Variants in STAU1 observed in about 807,000 individuals in gnomAD.
STAU1 encodes staufen double-stranded RNA binding protein 1.
A neutral mutation model predicts 62.9 loss-of-function variants in STAU1; 13 were observed. That is an observed-to-expected ratio of 0.21 (90% confidence interval 0.13 to 0.33). The LOEUF (loss-of-function observed/expected upper bound fraction) is 0.33, where lower values mean the gene tolerates loss of function less well. Among genes scored for constraint, STAU1 ranks in the 10% least tolerant of loss-of-function variants. The pLI is 1.00. For missense variants in STAU1, 571 were observed against 712.1 expected (o/e 0.80, Z 2.25); for synonymous variants, 269 against 265.1 (o/e 1.01, Z -0.14).
chr20:49,183,793 C>T (rs1007223576), intron 1 of STAU1, among the ~76,000 whole-genome samples: 3 of 152,112 alleles, frequency 2.0e-5, no homozygotes, highest in Non-Finnish European at 2.9e-5. Flanking sequence ...CTGAGACTTC[C>T]GACTAACACA....
intron 2 of STAU1, among the ~76,000 whole-genome samples, chr20:49,167,410 A>G (rs1382515110): frequency 2.6e-5 from 4 of 152,210 alleles, no homozygotes; most frequent in African/African-American, 9.6e-5. Context: ...AGAGCAATTA[A>G]GCTACTTGAG....
chr20:49,114,694 A>G lies in STAU1; in HGVS notation c.*184T>C. On this transcript the variant is annotated 3_prime_UTR_variant, in exon 14 of 14. Coordinates refer to ENST00000371856, the MANE Select transcript of STAU1 (RefSeq NM_017453.4). ...AGTGGCCATCACAACAAACCCCAGC[A>G]CAGTCCAGCCCGGCCACAGCCGCCT... 1 of 645,454 alleles carries G rather than the reference A, an allele frequency of 1.5e-6. No individual in the cohort carries two copies. Among genetic ancestry groups the G allele is most frequent in the Non-Finnish European group, 2.8e-6 (1 of 360,928 alleles). 40.0% of individuals were successfully genotyped at this position (645,454 alleles called of 1,614,324 possible).
In STAU1 at chr20:49,114,110, G is replaced by A. The variant is rs2092250898; in HGVS notation, c.*768C>T. The A allele has an allele frequency of 1.3e-5, 2 of 152,508 alleles. No homozygotes were observed. Among genetic ancestry groups the A allele is most frequent in the Non-Finnish European group, 2.9e-5 (2 of 68,032 alleles). The allele number at this position is 152,508 out of a possible 1,614,324, so 9.4% of individuals were successfully genotyped here. A position where few individuals can be genotyped will look rare whatever the true frequency, so the allele number is the denominator to read the frequency against. On this transcript the variant is annotated 3_prime_UTR_variant, in exon 14 of 14. Transcript: ENST00000371856. Reference sequence around the variant, plus strand: ...AATTTGCATCACTGAAACTGTCCTGGGTTAGTCAATGAAATAAAAATGTCT... The same window carrying A: ...AATTTGCATCACTGAAACTGTCCTGAGTTAGTCAATGAAATAAAAATGTCT...
At position 49,154,004 on chromosome 20, in the gene STAU1, C is replaced by T. The variant is rs2093313888; in HGVS notation, c.273G>A (p.Lys91=). Residue 91 remains lysine (K), a synonymous_variant, in exon 4 of 14, where the codon AAG becomes AAA. Coordinates refer to ENST00000371856, the MANE Select transcript of STAU1 (RefSeq NM_017453.4). The stretch of plus-strand genomic sequence containing the variant: ...GCATCCGAGAGTAAGGGTCAACAGG[C>T]TTATACATTGGTTTTTTTCCAAGTT... ...CMKLGKKPMY[K]PVDPYSRMQS... The T allele has an allele frequency of 1.2e-6, 2 of 1,613,274 alleles. No homozygotes were observed. The highest frequency in any genetic ancestry group is 1.7e-6 in the Non-Finnish European group (2 of 1,179,898).
At chr20:49,152,977 G>A (rs762362765) in intron 4 of STAU1, among the ~76,000 whole-genome samples, 35 of 152,098 alleles carry the variant, frequency 2.3e-4, no homozygotes, top group Non-Finnish European at 3.2e-4. Flanking sequence ...GGAGCCGGGC[G>A]TGGTGGCTCA....
intron 6 of STAU1, chr20:49,134,530 A>T: frequency 7.9e-7 from 1 of 1,271,064 alleles, no homozygotes; most frequent in South Asian, 1.2e-5. Context: ...AACTCATCGG[A>T]AACATAGCAC....
chr20:49,125,166 T>A (rs1284663813), intron 6 of STAU1, among the ~76,000 whole-genome samples: 2 of 57,450 alleles, frequency 3.5e-5, no homozygotes, highest in African/African-American at 1.4e-4. Context: ...TACACATATA[T>A]AAACAGACAC....
intron 3 of STAU1, among the ~76,000 whole-genome samples, chr20:49,157,628 C>T (rs1255688626): frequency 1.3e-5 from 2 of 151,942 alleles, no homozygotes; most frequent in South Asian, 2.1e-4. Context: ...TACAGGCATG[C>T]ACCACCACGC....
At chr20:49,189,791 CTCTCTT>C (rs2093827527), upstream of STAU1, among the ~76,000 whole-genome samples, 1 of 152,024 alleles carries the variant, frequency 6.6e-6, no homozygotes, top group Admixed American at 6.6e-5. Context: ...AAAAATAATT[CTCTCTT>C]TCTTAAATGT....
At chr20:49,166,982 TA>T (rs2093535650) in intron 2 of STAU1, among the ~76,000 whole-genome samples, 1 of 152,128 alleles carries the variant, frequency 6.6e-6, no homozygotes, top group Non-Finnish European at 1.5e-5. Context: ...TTTATACTAT[TA>T]AAAGCAAAAG....
the STAU1 span, among the ~76,000 whole-genome samples, chr20:49,218,211 C>T: frequency 6.0e-4 from 89 of 148,946 alleles, 1 homozygote; most frequent in African/African-American, 2.1e-3. Flanking sequence ...TTTTCCATCA[C>T]TCCCTACAAA....
At chr20:49,186,839 G>A (rs139349493) in intron 1 of STAU1, among the ~76,000 whole-genome samples, 1 of 152,060 alleles carries the variant, frequency 6.6e-6, no homozygotes, top group Non-Finnish European at 1.5e-5. Flanking sequence ...TCTTAACAAT[G>A]AAAGCTACAA....
At chr20:49,212,823 C>T in the STAU1 span, among the ~76,000 whole-genome samples, 5 of 151,610 alleles carry the variant, frequency 3.3e-5, no homozygotes, top group Non-Finnish European at 7.4e-5. Flanking sequence ...GTCTCGAACT[C>T]CTGACCTCAG....
chr20:49,142,998 T>A (rs1030806831), intron 5 of STAU1, among the ~76,000 whole-genome samples: 1 of 152,000 alleles, frequency 6.6e-6, no homozygotes, highest in African/African-American at 2.4e-5. Context: ...ATGAGGTCTC[T>A]CCATCTTGTC....
At chr20:49,155,842 C>T (rs2093348993) in intron 3 of STAU1, among the ~76,000 whole-genome samples, 1 of 152,152 alleles carries the variant, frequency 6.6e-6, no homozygotes, top group African/African-American at 2.4e-5. Context: ...AAGTATACTG[C>T]AAAGAAATCA....
intron 1 of STAU1, among the ~76,000 whole-genome samples, chr20:49,183,159 C>T (rs2093747012): frequency 6.6e-6 from 1 of 152,186 alleles, no homozygotes; most frequent in Non-Finnish European, 1.5e-5. Context: ...ATGTCTCCAT[C>T]ACCAGAAGTC....
At chr20:49,216,038 AGAAG>A in the STAU1 span, among the ~76,000 whole-genome samples, 1 of 145,402 alleles carries the variant, frequency 6.9e-6, no homozygotes, top group African/African-American at 2.5e-5. Flanking sequence ...AAAAAAAAGA[AGAAG>A]AAGAAGAAAA....
chr20:49,194,109 C>A, the STAU1 span, among the ~76,000 whole-genome samples: 2 of 151,948 alleles, frequency 1.3e-5, no homozygotes, highest in East Asian at 1.9e-4. Flanking sequence ...GGGAACATAC[C>A]AAATTGATCA....
At chr20:49,174,660 A>C (rs508890) in intron 1 of STAU1, among the ~76,000 whole-genome samples, 1 of 151,590 alleles carries the variant, frequency 6.6e-6, no homozygotes, top group African/African-American at 2.4e-5. Flanking sequence ...TGAGACTGCC[A>C]GGCATGGTGG....
Sources: allele counts gnomAD v4.1 joint callset (sites outside exome capture counted in the v4.1 genomes callset), GRCh38; gene constraint gnomAD v4.1.1; transcripts MANE v1.5; gene names NCBI Gene and HGNC (gene_info 2026-07-23, HGNC 2026-07-21).